The following MAPK10 variants were observed in gnomAD, a reference collection of about 807,000 sequenced individuals.
The protein encoded by MAPK10 is mitogen-activated protein kinase 10, also known as JNK3 alpha protein kinase.
In MAPK10, 25 loss-of-function variants were observed where a neutral mutation model predicts 59.3. The ratio of observed to expected loss-of-function variants is 0.42; its 90% CI spans 0.31 to 0.59. The LOEUF is 0.59. Among genes scored for constraint, MAPK10 ranks in the 20% least tolerant of loss-of-function variants. The pLI, the probability that MAPK10 is intolerant of heterozygous loss-of-function variation, is 0.15. For missense variants in MAPK10, 351 were observed against 568.9 expected (o/e 0.62, Z 3.90); for synonymous variants, 190 against 200.5 (o/e 0.95, Z 0.44).
intron 11 of MAPK10, among the ~76,000 whole-genome samples, chr4:86,054,349 C>G (rs1461594888): frequency 6.6e-6 from 1 of 152,106 alleles, no homozygotes; most frequent in African/African-American, 2.4e-5. Context: ...GACAAGCTCC[C>G]ACCAACATAA....
At chr4:86,174,851 G>A (rs1236250989) in intron 3 of MAPK10, among the ~76,000 whole-genome samples, 1 of 152,072 alleles carries the variant, frequency 6.6e-6, no homozygotes, top group South Asian at 2.1e-4. Flanking sequence ...GTCATAAAAT[G>A]TGCCAAGAAC....
chr4:86,293,482 C>T (rs1216507333), intron 2 of MAPK10, among the ~76,000 whole-genome samples: 1 of 152,132 alleles, frequency 6.6e-6, no homozygotes, highest in South Asian at 2.1e-4. Flanking sequence ...CCTGCTTATA[C>T]CCCCTTGGCT....
At chr4:86,029,049 T>C (rs374547375) in intron 13 of MAPK10, 148 bp downstream of exon 13, 2 of 741,502 alleles carry the variant, frequency 2.7e-6, no homozygotes, top group Non-Finnish European at 5.0e-6. Flanking sequence ...TCAAAAGAAA[T>C]AAAACTAAAA....
At chr4:86,473,762 T>C (rs1019316989) in intron 1 of MAPK10, among the ~76,000 whole-genome samples, 3 of 152,226 alleles carry the variant, frequency 2.0e-5, no homozygotes, top group African/African-American at 4.8e-5. Context: ...ATTTGTAATA[T>C]GTCTGTGACT....
intron 1 of MAPK10, among the ~76,000 whole-genome samples, chr4:86,422,382 G>A (rs747339637): frequency 2.0e-4 from 31 of 152,198 alleles, no homozygotes; most frequent in Admixed American, 2.0e-4. Context: ...TGCCTAACAT[G>A]TGGGAATGAC....
At chr4:86,588,044 G>T (rs1762756981) in intron 1 of MAPK10, among the ~76,000 whole-genome samples, 1 of 152,146 alleles carries the variant, frequency 6.6e-6, no homozygotes, top group African/African-American at 2.4e-5. Context: ...GAGAAAAAAA[G>T]TATGGACATT....
chr4:86,295,204 G>A (rs552746083), intron 2 of MAPK10, among the ~76,000 whole-genome samples: 203 of 152,170 alleles, frequency 1.3e-3, no homozygotes, highest in African/African-American at 4.8e-3. Context: ...AAAACAACAC[G>A]GTGTTTGTTG....
At position 86,565,130 on chromosome 4, in the gene MAPK10, C is replaced by T. The variant is rs75201942; in HGVS notation, c.-263+28780G>A. Among the ~76,000 whole-genome samples, 508 of 152,188 alleles carry T rather than the reference C, an allele frequency of 3.3e-3. 4 individuals carry two copies. The highest frequency in any genetic ancestry group is 9.9e-3 in the African/African-American group (412 of 41,536). On this transcript the variant is annotated intron_variant, in intron 1 of 4. Coordinates refer to the MAPK10 transcript ENST00000502302. ...GTGCTGGGGAGAGGGAAGATGAGTCCGCCTCCTACTGTACACTAACAACAC... is the reference window on the plus strand; with the variant it reads ...GTGCTGGGGAGAGGGAAGATGAGTCTGCCTCCTACTGTACACTAACAACAC...
intron 1 of MAPK10, among the ~76,000 whole-genome samples, chr4:86,503,756 T>C (rs1372137697): frequency 6.6e-6 from 1 of 152,116 alleles, no homozygotes; most frequent in East Asian, 1.9e-4. Flanking sequence ...TTTTAAAAAA[T>C]CTCATTTGGG....
intron 4 of MAPK10, among the ~76,000 whole-genome samples, chr4:86,123,206 T>A (rs2059539504): frequency 6.6e-6 from 1 of 152,134 alleles, no homozygotes; most frequent in African/African-American, 2.4e-5. Context: ...GGTTTATCCA[T>A]GTTGTCACAC....
At chr4:86,128,986 T>C (rs2060549273) in intron 4 of MAPK10, among the ~76,000 whole-genome samples, 1 of 152,114 alleles carries the variant, frequency 6.6e-6, no homozygotes, top group African/African-American at 2.4e-5. Flanking sequence ...CCTATATGCC[T>C]TTCTGATTCT....
intron 1 of MAPK10, among the ~76,000 whole-genome samples, chr4:86,443,026 A>G (rs1293711959): frequency 6.6e-6 from 1 of 152,192 alleles, no homozygotes; most frequent in Admixed American, 6.5e-5. Context: ...AGACAGGGAC[A>G]CTGAGAACCA....
intron 2 of MAPK10, among the ~76,000 whole-genome samples, chr4:86,224,818 G>C (rs1025950085): frequency 1.3e-5 from 2 of 152,062 alleles, no homozygotes; most frequent in Non-Finnish European, 2.9e-5. Context: ...TTCTGAAATG[G>C]AAGTATAAAA....
intron 3 of MAPK10, among the ~76,000 whole-genome samples, chr4:86,188,868 C>A (rs186960626): frequency 1.3e-5 from 2 of 151,728 alleles, no homozygotes; most frequent in East Asian, 1.9e-4. Context: ...ACGGTTTTTA[C>A]GGTTTTTATG....
chr4:86,101,104 T>C lies in MAPK10; in HGVS notation c.678A>G (p.Thr226=), dbSNP rs2055289492. Residue 226 remains threonine (T), a synonymous_variant, in exon 8 of 14, where the codon ACA becomes ACG. Coordinates refer to ENST00000641462, the MANE Select transcript of MAPK10 (RefSeq NM_138982.4). ...TGACCTCAGGGGCTCTGTAATAACG[T>C]GTCACCACATATGGAGTCATCATGA... ...TSFMMTPYVV[T]RYYRAPEVIL... 6.2e-7 allele frequency: 1 copy of C among 1,613,892 alleles called. No homozygotes were observed. Among genetic ancestry groups the C allele is most frequent in the African/African-American group, 1.3e-5 (1 of 74,906 alleles).
At chr4:86,236,998 T>A (rs1293313190) in intron 2 of MAPK10, among the ~76,000 whole-genome samples, 4 of 151,784 alleles carry the variant, frequency 2.6e-5, no homozygotes, top group Non-Finnish European at 5.9e-5. Context: ...AGACCCCCCA[T>A]CCCCCAAACA....
intron 3 of MAPK10, among the ~76,000 whole-genome samples, chr4:86,190,128 G>A (rs2079315103): frequency 1.3e-5 from 2 of 152,112 alleles, no homozygotes. Flanking sequence ...GCTTTTTGAT[G>A]TGCTGCTGGA....
At chr4:86,176,990 G>T (rs2075842418) in intron 3 of MAPK10, among the ~76,000 whole-genome samples, 1 of 152,022 alleles carries the variant, frequency 6.6e-6, no homozygotes, top group Admixed American at 6.6e-5. Flanking sequence ...AAAGAGTCAG[G>T]TTTCCTTAAA....
intron 2 of MAPK10, among the ~76,000 whole-genome samples, chr4:86,228,605 G>C (rs1020507749): frequency 9.2e-5 from 14 of 152,152 alleles, no homozygotes; most frequent in African/African-American, 3.4e-4. Context: ...GTGTTCACAA[G>C]ATATTGTAAG....
Sources: allele counts gnomAD v4.1 joint callset (sites outside exome capture counted in the v4.1 genomes callset), GRCh38; gene constraint gnomAD v4.1.1; transcripts MANE v1.5; gene names NCBI Gene and HGNC (gene_info 2026-07-23, HGNC 2026-07-21).